CCNJL: variants seen among roughly 807,000 people sequenced by gnomAD.
The protein encoded by CCNJL is cyclin J like.
Under a neutral mutation model 33.4 loss-of-function variants are expected in CCNJL, and 33 were observed. The observed-to-expected ratio is 0.99, with a 90% CI of 0.75 to 1.32. The LOEUF (loss-of-function observed/expected upper bound fraction) is 1.32. Among genes scored for constraint, CCNJL ranks in the 40% most tolerant of loss-of-function variants. The pLI is 0.00. For synonymous variants in CCNJL, 227 were observed against 220.9 expected, an observed-to-expected ratio of 1.03 and a Z score of -0.24; for missense variants, 512 against 499.7, an observed-to-expected ratio of 1.02 and a Z score of -0.23.
chr5:160,316,372 AT>A (rs1763380534), upstream of CCNJL, among the ~76,000 whole-genome samples: 2 of 152,038 alleles, frequency 1.3e-5, no homozygotes, highest in African/African-American at 4.8e-5. Context: ...GGAACAACAG[AT>A]TTAGAGCAAG....
At chr5:160,285,307 C>A (rs528305590) in intron 2 of CCNJL, among the ~76,000 whole-genome samples, 2 of 152,282 alleles carry the variant, frequency 1.3e-5, no homozygotes, top group South Asian at 4.1e-4. Context: ...TTTATGCAGC[C>A]ACCATGGAGT....
chr5:160,298,407 C>T (rs560443682), intron 2 of CCNJL, among the ~76,000 whole-genome samples: 2 of 151,846 alleles, frequency 1.3e-5, no homozygotes, highest in East Asian at 3.9e-4. Flanking sequence ...AGGCAATTTG[C>T]GGGCTGCACA....
chr5:160,279,856 G>A (rs1762146914), intron 3 of CCNJL, among the ~76,000 whole-genome samples: 4 of 152,220 alleles, frequency 2.6e-5, no homozygotes, highest in African/African-American at 7.2e-5. Flanking sequence ...TTAAGTGGAA[G>A]GGTGGCATGG....
At chr5:160,279,527 G>A (rs192258146) in intron 3 of CCNJL, among the ~76,000 whole-genome samples, 1 of 152,182 alleles carries the variant, frequency 6.6e-6, no homozygotes, top group African/African-American at 2.4e-5. Context: ...ATCCATGGGG[G>A]GTGGTGGTTG....
chr5:160,277,073 G>A (rs1198836698), intron 3 of CCNJL, among the ~76,000 whole-genome samples: 1 of 152,154 alleles, frequency 6.6e-6, no homozygotes, highest in Non-Finnish European at 1.5e-5. Flanking sequence ...GATTACAGGT[G>A]TGAGCCACCG....
At chr5:160,333,325 C>CT (rs1763634139) in intron 1 of CCNJL, among the ~76,000 whole-genome samples, 1 of 151,994 alleles carries the variant, frequency 6.6e-6, no homozygotes. Context: ...GGGGTTTCAC[C>CT]GTGTTAGCCT....
chr5:160,258,562 GA>G, intron 4 of CCNJL: 1 of 1,513,220 alleles, frequency 6.6e-7, no homozygotes, highest in Non-Finnish European at 9.2e-7. Context: ...GGAAAGAAAA[GA>G]AAGAGCAGAA....
chr5:160,329,963 C>T (rs1763585885), intron 1 of CCNJL, among the ~76,000 whole-genome samples: 1 of 152,152 alleles, frequency 6.6e-6, no homozygotes, highest in South Asian at 2.1e-4. Flanking sequence ...CCTGGCAAGA[C>T]CCCCACCCCT....
Position 160,253,200 on chromosome 5 carries a change from G to T in CCNJL, c.*178C>A. The T allele has an allele frequency of 1.9e-6, 1 of 529,094 alleles. No individual in the cohort carries two copies. Among genetic ancestry groups the T allele is most frequent in the Non-Finnish European group, 3.2e-6 (1 of 310,788 alleles). 32.8% of individuals were successfully genotyped at this position (529,094 alleles called of 1,614,324 possible). On this transcript the variant is annotated 3_prime_UTR_variant, in exon 6 of 6. Coordinates refer to ENST00000257536, the MANE Select transcript of CCNJL (RefSeq NM_001308173.3). ...TTCTCAGAGGAATGCTCTCGGGTGA[G>T]GTATGTTATTGAATGTTTTGCTCTG...
At chr5:160,297,423 C>T (rs1762781542) in intron 2 of CCNJL, among the ~76,000 whole-genome samples, 2 of 152,036 alleles carry the variant, frequency 1.3e-5, no homozygotes, top group African/African-American at 2.4e-5. Context: ...TGCTGAATCC[C>T]CTCTTCCTGA....
intron 2 of CCNJL, among the ~76,000 whole-genome samples, chr5:160,307,188 T>A (rs891607247): frequency 6.6e-6 from 1 of 152,214 alleles, no homozygotes; most frequent in African/African-American, 2.4e-5. Flanking sequence ...TGTGCCTGCA[T>A]CAGGTGAGGT....
chr5:160,292,504 C>A (rs2113394473), intron 2 of CCNJL, among the ~76,000 whole-genome samples: 1 of 152,086 alleles, frequency 6.6e-6, no homozygotes, highest in East Asian at 1.9e-4. Flanking sequence ...ACCTGTAGGC[C>A]TAACTACTTG....
At chr5:160,287,720 G>A (rs886236686) in intron 2 of CCNJL, among the ~76,000 whole-genome samples, 51 of 152,344 alleles carry the variant, frequency 3.3e-4, no homozygotes, top group Non-Finnish European at 6.8e-4. Context: ...GCCCTAGGGC[G>A]GCTTCTAAAG....
intron 3 of CCNJL, among the ~76,000 whole-genome samples, chr5:160,266,992 C>G (rs1167646285): frequency 2.0e-5 from 3 of 152,140 alleles, no homozygotes; most frequent in Non-Finnish European, 4.4e-5. Context: ...TCCCAGATGT[C>G]CCCCTCCCCC....
chr5:160,328,120 C>T (rs985122035), intron 1 of CCNJL, among the ~76,000 whole-genome samples: 6 of 152,108 alleles, frequency 3.9e-5, no homozygotes, highest in African/African-American at 9.7e-5. Flanking sequence ...GAAAGGGCAG[C>T]GAACCTGGAA....
At chr5:160,280,406 A>C (rs749002227) in intron 3 of CCNJL, 119 bp downstream of exon 3, 7 of 802,200 alleles carry the variant, frequency 8.7e-6, no homozygotes, top group Non-Finnish European at 1.4e-5. Context: ...CGCTCAGTGA[A>C]GGATGAACAT....
intron 2 of CCNJL, among the ~76,000 whole-genome samples, chr5:160,308,395 A>C (rs973734189): frequency 6.6e-6 from 1 of 152,236 alleles, no homozygotes; most frequent in African/African-American, 2.4e-5. Context: ...CGCAAGGAAG[A>C]AGACAGACAC....
intron 3 of CCNJL, among the ~76,000 whole-genome samples, chr5:160,264,388 T>C (rs1761485068): frequency 6.6e-6 from 1 of 152,260 alleles, no homozygotes; most frequent in Middle Eastern, 3.4e-3. Context: ...TGTGGCTGGC[T>C]GATCCCTAAC....
intron 1 of CCNJL, among the ~76,000 whole-genome samples, chr5:160,319,398 G>A (rs376196014): frequency 6.6e-6 from 1 of 152,066 alleles, no homozygotes; most frequent in African/African-American, 2.4e-5. Context: ...TATCATTTGC[G>A]GCATGCTTAG....
Sources: gnomAD v4.1 joint callset for allele counts (sites outside exome capture counted in the v4.1 genomes callset) on GRCh38, gnomAD v4.1.1 for gene constraint, MANE v1.5 for transcripts, NCBI Gene and HGNC (gene_info 2026-07-23, HGNC 2026-07-21) for gene names.